LINGO2: variants seen among roughly 807,000 people sequenced by gnomAD.
LINGO2 encodes the protein leucine-rich repeat and immunoglobulin-like domain-containing nogo receptor-interacting protein 2.
In LINGO2, 14 loss-of-function variants were observed where a neutral mutation model predicts 30.6. The observed-to-expected ratio is 0.46, with a 90% CI of 0.30 to 0.72. The LOEUF is 0.72. Ranked by LOEUF, LINGO2 falls within the 30% of genes least tolerant of loss-of-function variation. LINGO2 has a pLI of 0.07. For synonymous variants in LINGO2, 317 were observed against 288.5 expected (o/e 1.10, Z -1.00); for missense variants, 729 against 751.7 (o/e 0.97, Z 0.35).
intron 1 of LINGO2, among the ~76,000 whole-genome samples, chr9:28,488,790 T>C (rs955313067): frequency 6.6e-6 from 1 of 152,174 alleles, no homozygotes; most frequent in African/African-American, 2.4e-5. Context: ...TTCCACATGA[T>C]GGTCCTGGTT....
chr9:29,112,165 T>C, the LINGO2 span, among the ~76,000 whole-genome samples: 2 of 150,260 alleles, frequency 1.3e-5, no homozygotes, highest in Non-Finnish European at 3.0e-5. Context: ...CCCAAAATGA[T>C]GTCTAATTTT....
At chr9:29,166,426 G>A in the LINGO2 span, among the ~76,000 whole-genome samples, 2 of 152,118 alleles carry the variant, frequency 1.3e-5, no homozygotes, top group Admixed American at 6.6e-5. Flanking sequence ...GACAGAACAC[G>A]AACTCTCCAG....
intron 1 of LINGO2, among the ~76,000 whole-genome samples, chr9:28,646,910 A>G (rs2135956099): frequency 6.6e-6 from 1 of 152,246 alleles, no homozygotes; most frequent in African/African-American, 2.4e-5. Flanking sequence ...GAGCTTAATG[A>G]GTATGAGCTA....
At chr9:28,253,694 A>G (rs1822284572) in intron 4 of LINGO2, among the ~76,000 whole-genome samples, 1 of 152,154 alleles carries the variant, frequency 6.6e-6, no homozygotes, top group Non-Finnish European at 1.5e-5. Context: ...GGCAAATGCC[A>G]TTACCACCAC....
the LINGO2 span, among the ~76,000 whole-genome samples, chr9:28,695,740 C>A: frequency 1.5e-5 from 2 of 136,192 alleles, no homozygotes; most frequent in Admixed American, 1.6e-4. Context: ...GTATAAAGAG[C>A]ATTTCTGTTA....
intron 4 of LINGO2, among the ~76,000 whole-genome samples, chr9:28,046,015 T>TG (rs1375548670): frequency 3.7e-4 from 57 of 152,314 alleles, no homozygotes; most frequent in African/African-American, 1.3e-3. Context: ...ATAATGAGGA[T>TG]GATCCATGCC....
rs7858411 is a variant in LINGO2, at chr9:28,018,392, C to T, written c.-86-5987G>A. On this transcript the variant is annotated intron_variant, in intron 4 of 5. Transcript: ENST00000379992. ...TTAAACTGAAGCACTTCTGCACAGC[C>T]GATACAGAATGAAATATATTCTCCC... is the stretch of plus-strand genomic sequence containing the variant. Among the ~76,000 whole-genome samples the T allele has an allele frequency of 4.3e-3, 650 of 151,814 alleles. 4 individuals are homozygous for T. The highest frequency in any genetic ancestry group is 0.015 in the African/African-American group (609 of 41,402).
the LINGO2 span, among the ~76,000 whole-genome samples, chr9:29,029,041 A>C: frequency 1.3e-5 from 2 of 152,134 alleles, no homozygotes; most frequent in African/African-American, 4.8e-5. Flanking sequence ...AGTTAATTTC[A>C]TGGCTAACTG....
chr9:28,425,920 G>C (rs1587655223), intron 2 of LINGO2, among the ~76,000 whole-genome samples: 1 of 151,758 alleles, frequency 6.6e-6, no homozygotes, highest in African/African-American at 2.4e-5. Flanking sequence ...CTTTCTTTTT[G>C]AAATGCCTAT....
At chr9:28,993,740 A>C in the LINGO2 span, among the ~76,000 whole-genome samples, 26 of 146,048 alleles carry the variant, frequency 1.8e-4, 2 homozygotes, top group South Asian at 3.9e-3. Context: ...GTAATCGAGC[A>C]TATAAACAGA....
At chr9:28,314,538 G>A (rs553153881) in intron 3 of LINGO2, among the ~76,000 whole-genome samples, 2 of 152,102 alleles carry the variant, frequency 1.3e-5, no homozygotes, top group East Asian at 1.9e-4. Context: ...AGAAACTGAC[G>A]GCTAAAATAT....
At chr9:29,043,036 GTATT>G in the LINGO2 span, among the ~76,000 whole-genome samples, 1 of 151,796 alleles carries the variant, frequency 6.6e-6, no homozygotes, top group Admixed American at 6.6e-5. Flanking sequence ...GGATCTCTCT[GTATT>G]TATTTTAGAG....
At chr9:28,360,833 T>C (rs970555905) in intron 3 of LINGO2, among the ~76,000 whole-genome samples, 12 of 152,122 alleles carry the variant, frequency 7.9e-5, no homozygotes, top group African/African-American at 2.7e-4. Context: ...TCTTCTTCTA[T>C]TCCTGAGTAT....
chr9:29,081,787 AACAG>A, the LINGO2 span, among the ~76,000 whole-genome samples: 2 of 151,854 alleles, frequency 1.3e-5, no homozygotes, highest in Non-Finnish European at 2.9e-5. Flanking sequence ...ATACACCAAT[AACAG>A]ACAGAGAGCC....
At chr9:28,508,977 T>C (rs1308287498) in intron 1 of LINGO2, among the ~76,000 whole-genome samples, 1 of 152,130 alleles carries the variant, frequency 6.6e-6, no homozygotes, top group Admixed American at 6.6e-5. Context: ...GCATACTACA[T>C]ACCACATGCT....
chr9:28,961,089 G>C, the LINGO2 span, among the ~76,000 whole-genome samples: 1 of 152,112 alleles, frequency 6.6e-6, no homozygotes, highest in Non-Finnish European at 1.5e-5. Flanking sequence ...GAAGCATTCA[G>C]ACATTGGTAA....
rs189378181 is a variant in LINGO2, at chr9:28,083,429, T to C, written c.-86-71024A>G. Reference sequence around the variant, plus strand: ...AAGACTCTCCTGAGTGGTTAGATTATAAGAACAGGGGTGCTACTTCCTCCC... The same window carrying C: ...AAGACTCTCCTGAGTGGTTAGATTACAAGAACAGGGGTGCTACTTCCTCCC... On this transcript the variant is annotated intron_variant, in intron 4 of 5. Coordinates refer to ENST00000379992, the Ensembl canonical transcript of LINGO2. 2.4e-3 allele frequency among the ~76,000 whole-genome samples: 373 copies of C among 152,318 alleles called. 4 individuals carry two copies. The highest frequency in any genetic ancestry group is 8.5e-3 in the African/African-American group (353 of 41,568).
chr9:28,951,473 C>G, the LINGO2 span, among the ~76,000 whole-genome samples: 1 of 152,056 alleles, frequency 6.6e-6, no homozygotes, highest in African/African-American at 2.4e-5. Context: ...TAGCAATCAT[C>G]CTGCACCCTG....
intron 4 of LINGO2, among the ~76,000 whole-genome samples, chr9:28,070,285 T>G (rs7042653): frequency 0.66 from 100,261 of 151,902 alleles, 34,729 homozygotes; most frequent in East Asian, 0.96. Context: ...TTCCTGCGGT[T>G]GGTTGGAGTT....
Sources: gnomAD v4.1 joint callset for allele counts (sites outside exome capture counted in the v4.1 genomes callset) on GRCh38, gnomAD v4.1.1 for gene constraint, MANE v1.5 for transcripts, NCBI Gene and HGNC (gene_info 2026-07-23, HGNC 2026-07-21) for gene names.